Variants in OPA3 observed in about 807,000 individuals in gnomAD.
The protein encoded by OPA3 is optic atrophy 3 protein.
OPA3 carries 6 observed loss-of-function variants against 4.0 expected under a neutral mutation model. The observed-to-expected ratio is 1.51, with a 90% CI of 0.83 to 2.99. The LOEUF is 2.99. Among genes scored for constraint, OPA3 ranks in the 30% most tolerant of loss-of-function variants. The pLI is 0.00. For missense variants in OPA3, 235 were observed against 256.2 expected, an observed-to-expected ratio of 0.92 and a Z score of 0.56; for synonymous variants, 105 against 117.1, an observed-to-expected ratio of 0.90 and a Z score of 0.67.
At chr19:45,543,325 A>G (rs1028510733), downstream of OPA3, among the ~76,000 whole-genome samples, 1 of 135,778 alleles carries the variant, frequency 7.4e-6, no homozygotes, top group East Asian at 2.2e-4. Context: ...TTTATTTTTA[A>G]TTTTTTTTTT....
At chr19:45,540,271 C>T (rs891158011) in intron 1 of OPA3, among the ~76,000 whole-genome samples, 8 of 151,312 alleles carry the variant, frequency 5.3e-5, no homozygotes, top group South Asian at 2.1e-4. Flanking sequence ...GAGTCAAGAT[C>T]GCACCACTGT....
chr19:45,553,927 G>T lies in OPA3; in HGVS notation c.143-16C>A, dbSNP rs754047369. ...CAGTGATACACTGCGGGGGAAGAGA[G>T]GGGTCAGGCTGCGCTCTGGGAGCCC... On this transcript the variant is annotated splice_polypyrimidine_tract_variant and intron_variant, in intron 1 of 1. Transcript: ENST00000263275. 5.6e-6 allele frequency: 9 copies of T among 1,595,566 alleles called. No homozygotes were observed. Among genetic ancestry groups the T allele is most frequent in the Non-Finnish European group, 7.7e-6 (9 of 1,166,442 alleles).
At chr19:45,555,936 T>C (rs1969415234) in intron 1 of OPA3, among the ~76,000 whole-genome samples, 1 of 152,030 alleles carries the variant, frequency 6.6e-6, no homozygotes, top group Non-Finnish European at 1.5e-5. Flanking sequence ...CTGGCCTATA[T>C]ATATATATCT....
chr19:45,549,914 T>C lies in OPA3; in HGVS notation c.*3600A>G, dbSNP rs1194444861. The stretch of plus-strand genomic sequence containing the variant: ...GGCTCACGCCTGTAATCCCAGCACT[T>C]TGGGAGGCCGAGGCGGGCGGATTAC... On this transcript the variant is annotated 3_prime_UTR_variant, in exon 2 of 2. Coordinates refer to ENST00000263275, the MANE Select transcript of OPA3 (RefSeq NM_025136.4). The C allele has an allele frequency of 2.1e-6, 2 of 973,600 alleles. No individual in the cohort carries two copies. The highest frequency in any genetic ancestry group is 2.3e-4 in the East Asian group (2 of 8,686). 60.3% of individuals were successfully genotyped at this position (973,600 alleles called of 1,614,324 possible).
chr19:45,548,243 C>T lies in OPA3; in HGVS notation c.*5271G>A. The T allele has an allele frequency of 1.0e-6, 1 of 985,592 alleles. No homozygotes were observed. Among genetic ancestry groups the T allele is most frequent in the Non-Finnish European group, 1.2e-6 (1 of 829,964 alleles). 61.1% of individuals were successfully genotyped at this position (985,592 alleles called of 1,614,324 possible). A position where few individuals can be genotyped will look rare whatever the true frequency, so the allele number is the denominator to read the frequency against. On this transcript the variant is annotated 3_prime_UTR_variant, in exon 2 of 2. Coordinates refer to ENST00000263275, the MANE Select transcript of OPA3 (RefSeq NM_025136.4). ...ACCAGCCCAGGAGTAGCTCCGTGAG[C>T]CAATAGATCAGGTTGGGGCTTATGT...
intron 1 of OPA3, among the ~76,000 whole-genome samples, chr19:45,556,630 C>A (rs569753715): frequency 6.6e-6 from 1 of 152,260 alleles, no homozygotes; most frequent in Admixed American, 6.5e-5. Context: ...AGTACTGGGA[C>A]GACAGGAGAC....
intron 1 of OPA3, among the ~76,000 whole-genome samples, chr19:45,576,290 G>GGGCT: frequency 6.6e-6 from 1 of 152,156 alleles, no homozygotes; most frequent in African/African-American, 2.4e-5. Flanking sequence ...CAGCACTTTG[G>GGGCT]GAGGCCAAGG....
intron 1 of OPA3, among the ~76,000 whole-genome samples, chr19:45,574,956 C>T (rs2122502349): frequency 6.6e-6 from 1 of 152,266 alleles, no homozygotes; most frequent in East Asian, 1.9e-4. Flanking sequence ...CTCCCCAGTC[C>T]CAGTGCCAGT....
At chr19:45,554,011 G>T in intron 1 of OPA3, 100 bp from the exon 2 acceptor site, 3 of 961,560 alleles carry the variant, frequency 3.1e-6, no homozygotes, top group Non-Finnish European at 4.6e-6. Context: ...GGTAACCCAG[G>T]GGTCTTTTAA....
chr19:45,572,560 G>GATATATATGATGATATATGTATATAAAT (rs958009106), intron 1 of OPA3, among the ~76,000 whole-genome samples: 1 of 99,144 alleles, frequency 1.0e-5, no homozygotes, highest in African/African-American at 3.2e-5. Context: ...ATCATATATG[G>GATATATATGATGATATATGTATATAAAT]ATATATATCA....
intron 1 of OPA3, 78 bp from the exon 2 acceptor site, chr19:45,553,989 T>A: frequency 8.1e-7 from 1 of 1,227,290 alleles, no homozygotes; most frequent in Non-Finnish European, 1.1e-6. Flanking sequence ...GGGAATGCAG[T>A]CACCTAGCCT....
At chr19:45,562,646 G>A (rs538841783) in intron 1 of OPA3, among the ~76,000 whole-genome samples, 4 of 152,290 alleles carry the variant, frequency 2.6e-5, no homozygotes, top group South Asian at 4.1e-4. Flanking sequence ...CTGAGATCGC[G>A]CCACTGCCCA....
chr19:45,579,994 T>C (rs927567778), intron 1 of OPA3, among the ~76,000 whole-genome samples: 4 of 100,360 alleles, frequency 4.0e-5, no homozygotes, highest in African/African-American at 1.1e-4. Flanking sequence ...TCTTTCTTTT[T>C]TTTTTTCTTT....
rs1555730896 is a variant in OPA3 at position 45,537,410 on chromosome 19, A to AAAAAAAAAACAAG, written c.143-7955_143-7954insCTTGTTTTTTTTT. 2.7e-3 allele frequency among the ~76,000 whole-genome samples: 324 copies of AAAAAAAAAACAAG among 120,102 alleles called. 21 individuals are homozygous for AAAAAAAAAACAAG. The highest frequency in any genetic ancestry group is 8.9e-3 in the African/African-American group (269 of 30,318). The allele number at this position is 120,102 out of a possible 152,430, so 78.8% of individuals were successfully genotyped here. A position where few individuals can be genotyped will look rare whatever the true frequency, so the allele number is the denominator to read the frequency against. On this transcript the variant is annotated intron_variant, in intron 1 of 1. Transcript: ENST00000323060. ...AGACTCTGTCTCAAAAAAAAAAAAA[A>AAAAAAAAAACAAG]AAAAAAAAAAAACAAGAAAAGAACT...
intron 1 of OPA3, among the ~76,000 whole-genome samples, chr19:45,530,927 CTTTTTTTTTTTTTTTT>C (rs71173176): frequency 5.0e-3 from 179 of 35,460 alleles, no homozygotes; most frequent in African/African-American, 8.2e-3. Flanking sequence ...ATGTCACCTA[CTTTTTTTTTTTTTTTT>C]TTTTTTTTTT....
At chr19:45,561,586 G>C (rs1969503948) in intron 1 of OPA3, among the ~76,000 whole-genome samples, 1 of 152,140 alleles carries the variant, frequency 6.6e-6, no homozygotes, top group East Asian at 1.9e-4. Context: ...TGTATACTAG[G>C]GAGGAGGGAG....
intron 1 of OPA3, among the ~76,000 whole-genome samples, chr19:45,539,636 G>A (rs898040584): frequency 9.2e-5 from 14 of 151,770 alleles, no homozygotes; most frequent in Admixed American, 2.0e-4. Context: ...AAAATTAGCC[G>A]GGCGTGGCGG....
chr19:45,572,892 G>A (rs961743428), intron 1 of OPA3, among the ~76,000 whole-genome samples: 1 of 148,642 alleles, frequency 6.7e-6, no homozygotes, highest in Non-Finnish European at 1.5e-5. Context: ...AACTCTATCT[G>A]AAGGATTTCT....
At chr19:45,578,263 C>T (rs987850015) in intron 1 of OPA3, among the ~76,000 whole-genome samples, 1 of 152,198 alleles carries the variant, frequency 6.6e-6, no homozygotes, top group Non-Finnish European at 1.5e-5. Context: ...AGGAGTCATG[C>T]AGCTGGAGGA....
Sources: gnomAD v4.1 joint callset for allele counts (sites outside exome capture counted in the v4.1 genomes callset) on GRCh38, gnomAD v4.1.1 for gene constraint, MANE v1.5 for transcripts, NCBI Gene and HGNC (gene_info 2026-07-23, HGNC 2026-07-21) for gene names.